DHDDS: variants seen among roughly 807,000 people sequenced by gnomAD.
DHDDS encodes dehydrodolichyl diphosphate synthase complex subunit DHDDS.
A neutral mutation model predicts 46.2 loss-of-function variants in DHDDS; 16 were observed. The ratio of observed to expected loss-of-function variants is 0.35; its 90% CI spans 0.23 to 0.53. The LOEUF is 0.53. Ranked by LOEUF, DHDDS falls within the 20% of genes least tolerant of loss-of-function variation. DHDDS has a pLI of 0.94. For synonymous variants in DHDDS, 151 were observed against 163.1 expected, an observed-to-expected ratio of 0.93 and a Z score of 0.56; for missense variants, 340 against 423.7, an observed-to-expected ratio of 0.80 and a Z score of 1.73.
At chr1:26,468,327 A>T (rs1184218397) in intron 8 of DHDDS, among the ~76,000 whole-genome samples, 1 of 152,184 alleles carries the variant, frequency 6.6e-6, no homozygotes, top group African/African-American at 2.4e-5. Flanking sequence ...TGGTACCCTC[A>T]GAGGAAAACC....
At chr1:26,468,335 A>C (rs1021140128) in intron 8 of DHDDS, among the ~76,000 whole-genome samples, 3 of 152,034 alleles carry the variant, frequency 2.0e-5, no homozygotes, top group African/African-American at 7.2e-5. Context: ...TCAGAGGAAA[A>C]CCTGGGGAGA....
chr1:26,462,016 A>G (rs1170790430), intron 8 of DHDDS, among the ~76,000 whole-genome samples: 2 of 151,532 alleles, frequency 1.3e-5, no homozygotes, highest in East Asian at 1.9e-4. Context: ...TATACCAGGC[A>G]CTTGCTAATA....
chr1:26,457,514 T>G (rs1360097433), intron 6 of DHDDS, among the ~76,000 whole-genome samples: 3 of 144,956 alleles, frequency 2.1e-5, no homozygotes, highest in Non-Finnish European at 4.5e-5. Flanking sequence ...TCAGAACATG[T>G]CAAAAAAGGC....
intron 8 of DHDDS, among the ~76,000 whole-genome samples, chr1:26,462,112 C>A (rs931113295): frequency 9.4e-5 from 14 of 148,726 alleles, no homozygotes; most frequent in Non-Finnish European, 1.9e-4. Context: ...GGCTGGAGTG[C>A]AGTTGTGCAA....
chr1:26,453,715 C>T (rs1206003902), intron 6 of DHDDS, among the ~76,000 whole-genome samples: 1 of 152,170 alleles, frequency 6.6e-6, no homozygotes, highest in Non-Finnish European at 1.5e-5. Context: ...GATCACATCA[C>T]TGCACTCCAG....
At chr1:26,439,861 C>T (rs532799450) in intron 3 of DHDDS, among the ~76,000 whole-genome samples, 1 of 152,214 alleles carries the variant, frequency 6.6e-6, no homozygotes, top group Non-Finnish European at 1.5e-5. Flanking sequence ...GAATGGAGGG[C>T]CGGGCGCGGT....
rs1221427187 is a variant in DHDDS, at chr1:26,468,907, A to G, written c.778A>G (p.Met260Val). The G allele has an allele frequency of 3.1e-6, 5 of 1,612,664 alleles. No homozygotes were observed. Among genetic ancestry groups the G allele is most frequent in the African/African-American group, 1.3e-5 (1 of 74,760 alleles). Residue 260 changes from methionine (M) to valine (V), a missense_variant, in exon 9 of 9, where the codon ATG (methionine) becomes GTG (valine). Met to Val is a conservative substitution (Grantham distance 21). Around this residue, in one of 2 missense-constraint regions of DHDDS, gnomAD observed 268 missense variants for 300.3 expected, o/e 0.89. Transcript: ENST00000236342. ...NHSVLQKARD[M>V]YAEERKRQQL... ...TTTTCTCTAGCAGAAGGCCCGAGAC[A>G]TGTATGCAGAGGAGCGGAAGAGGCA...
At chr1:26,451,023 C>T (rs1054442778) in intron 6 of DHDDS, among the ~76,000 whole-genome samples, 2 of 152,142 alleles carry the variant, frequency 1.3e-5, no homozygotes, top group Admixed American at 6.6e-5. Flanking sequence ...TACCCTCATA[C>T]CACATTACAG....
intron 8 of DHDDS, 84 bp from the exon 9 acceptor site, chr1:26,468,811 G>GGCCCCCCCCCCCCCCCC: frequency 4.7e-6 from 3 of 637,980 alleles, no homozygotes; most frequent in East Asian, 8.0e-5. Context: ...CCCACCCTGT[G>GGCCCCCCCCCCCCCCCC]CCCCACCCCC....
intron 6 of DHDDS, among the ~76,000 whole-genome samples, chr1:26,451,963 T>C (rs1032466707): frequency 3.3e-5 from 5 of 152,064 alleles, no homozygotes; most frequent in African/African-American, 1.2e-4. Flanking sequence ...ACCAGGCTGA[T>C]CTCGAACTCC....
At chr1:26,438,139 T>G in intron 2 of DHDDS, 29 bp from the exon 3 acceptor site, 1 of 1,606,070 alleles carries the variant, frequency 6.2e-7, no homozygotes, top group Non-Finnish European at 8.5e-7. Flanking sequence ...ATATGAGACC[T>G]GTTCATCATT....
chr1:26,455,193 C>T, intron 6 of DHDDS: 1 of 745,010 alleles, frequency 1.3e-6, no homozygotes, highest in Non-Finnish European at 2.5e-6. Context: ...ACCATTTTCA[C>T]AGATTACCTC....
intron 6 of DHDDS, 105 bp downstream of exon 6, chr1:26,447,765 G>T: frequency 2.0e-6 from 2 of 988,654 alleles, no homozygotes; most frequent in Non-Finnish European, 3.2e-6. Context: ...GAGGTGGGCA[G>T]TCCACTTGAG....
chr1:26,461,032 C>T (rs2075417209), intron 8 of DHDDS, among the ~76,000 whole-genome samples: 1 of 152,166 alleles, frequency 6.6e-6, no homozygotes, highest in African/African-American at 2.4e-5. Flanking sequence ...CGCCACCATG[C>T]CTGGCTAATT....
intron 2 of DHDDS, among the ~76,000 whole-genome samples, chr1:26,435,963 T>C (rs1023291808): frequency 2.0e-5 from 3 of 152,024 alleles, no homozygotes; most frequent in African/African-American, 4.8e-5. Flanking sequence ...TTGGCCAGGC[T>C]GGTCTTGAAC....
chr1:26,453,639 AG>A (rs1184831018), intron 6 of DHDDS, among the ~76,000 whole-genome samples: 1 of 152,162 alleles, frequency 6.6e-6, no homozygotes, highest in East Asian at 1.9e-4. Context: ...CTATAGTCAC[AG>A]CTACTTGGGA....
chr1:26,465,430 G>C (rs537980646), intron 8 of DHDDS, among the ~76,000 whole-genome samples: 1 of 152,270 alleles, frequency 6.6e-6, no homozygotes, highest in Non-Finnish European at 1.5e-5. Context: ...GGGCTCAAGC[G>C]AGCCTCCCAC....
intron 6 of DHDDS, among the ~76,000 whole-genome samples, chr1:26,449,444 A>G (rs926255515): frequency 6.6e-6 from 1 of 152,094 alleles, no homozygotes; most frequent in African/African-American, 2.4e-5. Flanking sequence ...TCTATCGCCC[A>G]GGCTGGCGTG....
At chr1:26,440,642 C>T (rs1258381447) in intron 3 of DHDDS, among the ~76,000 whole-genome samples, 2 of 152,200 alleles carry the variant, frequency 1.3e-5, no homozygotes, top group African/African-American at 4.8e-5. Flanking sequence ...GATGTGCCAT[C>T]CACAGTGGCT....
Sources: gnomAD v4.1 joint callset for allele counts (sites outside exome capture counted in the v4.1 genomes callset) on GRCh38, gnomAD v4.1.1 for gene constraint, gnomAD v4.1.1 regional missense constraint, MANE v1.5 for transcripts, NCBI Gene and HGNC (gene_info 2026-07-23, HGNC 2026-07-21) for gene names.